The following TEP1 variants were observed in gnomAD, a reference collection of about 807,000 sequenced individuals.
TEP1 encodes the protein telomerase associated protein 1.
A neutral mutation model predicts 306.3 loss-of-function variants in TEP1; 241 were observed. The ratio of observed to expected loss-of-function variants is 0.79; its 90% CI spans 0.71 to 0.88. TEP1 has a LOEUF of 0.88. TEP1 is among the 40% of genes least tolerant of loss of function. The pLI, the probability that TEP1 is intolerant of heterozygous loss-of-function variation, is 0.00. For missense variants in TEP1, 3,051 were observed against 3,276.1 expected (o/e 0.93, Z 1.68); for synonymous variants, 1,289 against 1,305.5 (o/e 0.99, Z 0.27).
At position 20,387,959 on chromosome 14, in the gene TEP1, A is replaced by G. The variant is rs1414662429; in HGVS notation, c.2630T>C (p.Leu877Pro). Residue 877 changes from leucine (L) to proline (P), a missense_variant, in exon 18 of 55, where the codon CTC (leucine) becomes CCC (proline). Coordinates refer to ENST00000262715, the MANE Select transcript of TEP1 (RefSeq NM_007110.5). The part of the protein sequence containing the change: ...PPPGKTGVQS[L>P]RPLEEDTPSP... ...TGGAGTGTCCTCTTCCAGTGGCCGG[A>G]GAGACTGGACCCCTGTCTTTCCTGG... The G allele has an allele frequency of 6.2e-7, 1 of 1,614,048 alleles. No homozygotes were observed. Among genetic ancestry groups the G allele is most frequent in the East Asian group, 2.2e-5 (1 of 44,886 alleles).
rs1876932164 is a variant in TEP1, at chr14:20,384,441, G to A, written c.3289C>T (p.Gln1097Ter). ...PYVGGLEEFG[Q>*]LVLQDVWNMI... ...TTCCATACATCCTGCAGAACCAACT[G>A]CCCAAACTCCTCCAGCCCGCCAACA... The change falls in exon 23 of 55, where the codon CAG (glutamine) becomes TAG (stop). Residue 1097 changes from glutamine to a stop codon, truncating the protein, a stop_gained. Transcript: ENST00000262715. LOFTEE classifies it high-confidence loss of function. 2.5e-6 allele frequency: 4 copies of A among 1,613,894 alleles called. No homozygotes were observed. Among genetic ancestry groups the A allele is most frequent in the South Asian group, 1.1e-5 (1 of 91,074 alleles).
In TEP1 at chr14:20,371,279, G is replaced by A; in HGVS notation, c.7256C>T (p.Thr2419Ile). Reference sequence around the variant, plus strand: ...GACAAATATGCCATACTCCTTGTGGGTGGACAATATCATAGGATTTTCTGT... The same window carrying A: ...GACAAATATGCCATACTCCTTGTGGATGGACAATATCATAGGATTTTCTGT... ...SYTENPMILS[T>I]HKEYGIFVLQ... The change falls in exon 51 of 55, where the codon ACC (threonine) becomes ATC (isoleucine). Residue 2419 changes from threonine to isoleucine, a missense_variant. Physicochemically the swap from Thr to Ile is moderately conservative, Grantham distance 89. This residue lies in a region of TEP1 where 1,540 missense variants were observed against 1,705.9 expected (regional missense o/e 0.90). Coordinates refer to ENST00000262715, the MANE Select transcript of TEP1 (RefSeq NM_007110.5). The A allele has an allele frequency of 6.2e-7, 1 of 1,614,180 alleles. No homozygotes were observed. The highest frequency in any genetic ancestry group is 1.3e-5 in the African/African-American group (1 of 75,046).
chr14:20,375,681 A>C, intron 43 of TEP1, 74 bp downstream of exon 43: 1 of 908,152 alleles, frequency 1.1e-6, no homozygotes, highest in African/African-American at 1.6e-5. Flanking sequence ...TGCCAGAAAA[A>C]GGACGAGGTG....
chr14:20,383,996 C>T (rs1308253073), intron 24 of TEP1, 42 bp downstream of exon 24: 3 of 1,584,762 alleles, frequency 1.9e-6, no homozygotes, highest in Non-Finnish European at 2.6e-6. Context: ...TTAGCCCACA[C>T]AGCCTTCCCT....
chr14:20,401,500 T>C lies in TEP1; in HGVS notation c.1348A>G (p.Ile450Val). The change falls in exon 8 of 55, where the codon ATC (isoleucine) becomes GTC (valine). Residue 450 changes from isoleucine to valine, a missense_variant. Ile to Val is a conservative substitution (Grantham distance 29). Coordinates refer to ENST00000262715, the MANE Select transcript of TEP1 (RefSeq NM_007110.5). ...TLKKLVQRLH[I>V]HKPAQHVQAL... ...TGAACGTGCTGGGCAGGCTTGTGGA[T>C]GTGCAGTCGCTGAACCAGCTTCTTC... The C allele has an allele frequency of 6.2e-7, 1 of 1,614,190 alleles. No homozygotes were observed. Among genetic ancestry groups the C allele is most frequent in the Non-Finnish European group, 8.5e-7 (1 of 1,180,024 alleles).
At chr14:20,400,531 GAGAAAAC>G (rs1878610198) in intron 9 of TEP1, 1 of 110,402 alleles carries the variant, frequency 9.1e-6, no homozygotes, top group African/African-American at 3.1e-5. Context: ...AACAGAGAAA[GAGAAAAC>G]TGAAGATAAC....
chr14:20,378,357 A>G (rs2139035270), intron 38 of TEP1, 23 bp downstream of exon 38: 1 of 1,613,994 alleles, frequency 6.2e-7, no homozygotes, highest in Non-Finnish European at 8.5e-7. Flanking sequence ...GCTTCCCCCA[A>G]GAGCAACACT....
Position 20,386,526 on chromosome 14 carries a change from G to T in TEP1, c.2782C>A (p.Arg928=), listed in dbSNP as rs373024184. ...LRSVLPALQA[R]AAPHRISLHG... ...AGGCTGATACGGTGAGGGGCCGCTC[G>T]GGCCTGCAGTGCTGGCAGCACAGAC... The change falls in exon 19 of 55, where the codon CGA becomes AGA. Residue 928 remains arginine, a synonymous_variant. Transcript: ENST00000262715. 65 of 1,612,876 alleles carry T rather than the reference G, an allele frequency of 4.0e-5. No individual in the cohort carries two copies. Among genetic ancestry groups the T allele is most frequent in the Non-Finnish European group, 5.3e-5 (62 of 1,179,464 alleles).
intron 12 of TEP1, 129 bp from the exon 13 acceptor site, chr14:20,391,896 A>ACAGCC (rs1877760586): frequency 1.1e-6 from 1 of 937,680 alleles, no homozygotes; most frequent in African/African-American, 1.7e-5. Flanking sequence ...ACCCGCTTCC[A>ACAGCC]CAGCCCACTC....
At chr14:20,389,499 A>G in intron 16 of TEP1, 111 bp downstream of exon 16, 8 of 1,532,080 alleles carry the variant, frequency 5.2e-6, no homozygotes, top group Non-Finnish European at 7.1e-6. Flanking sequence ...GTAAGAAGGC[A>G]GAGTTGGGGA....
rs1179932732 is a variant in TEP1 at position 20,403,407 on chromosome 14, G to A, written c.1236C>T (p.Tyr412=). The change falls in exon 7 of 55, where the codon TAC becomes TAT. Residue 412 remains tyrosine (Y), a synonymous_variant. Transcript: ENST00000262715. The stretch of plus-strand genomic sequence containing the variant: ...TCTGCTCTTCTCTGAGAAACCCTAT[G>A]TACCTTGGAAAACATCTGTGAGAAA... ...PPFSHRCFPR[Y]IGFLREEQRK... is the part of the protein sequence containing the mutation. The A allele has an allele frequency of 1.2e-6, 2 of 1,614,138 alleles. No individual in the cohort carries two copies. Among genetic ancestry groups the A allele is most frequent in the Non-Finnish European group, 8.5e-7 (1 of 1,180,018 alleles).
intron 7 of TEP1, 32 bp from the exon 8 acceptor site, chr14:20,401,613 C>A: frequency 6.2e-7 from 1 of 1,611,978 alleles, no homozygotes; most frequent in South Asian, 1.1e-5. Flanking sequence ...CCACAGGGGT[C>A]CTTTCATCCA....
rs775367475 is a variant in TEP1, at chr14:20,391,741, A to C, written c.1955T>G (p.Leu652Arg). Residue 652 changes from leucine (L) to arginine (R), a missense_variant, in exon 13 of 55, where the codon CTG becomes CGG. By Grantham distance (102) the Leu-to-Arg change is moderately radical. Coordinates refer to ENST00000262715, the MANE Select transcript of TEP1 (RefSeq NM_007110.5). ...CTCTAGGGCCTGTCGGTACCTGTTC[A>C]GCATCTCACCATCATATTTCCACTG... ...ARQWKYDGEM[L>R]NRYRQALETA... 3 of 1,614,048 alleles carry C rather than the reference A, an allele frequency of 1.9e-6. No individual in the cohort carries two copies. The African/African-American group carries it at 4.0e-5, about 22-fold the overall frequency.
At chr14:20,393,144 G>A (rs1032401698) in intron 12 of TEP1, among the ~76,000 whole-genome samples, 1 of 151,940 alleles carries the variant, frequency 6.6e-6, no homozygotes, top group African/African-American at 2.4e-5. Context: ...GTGAACCCAG[G>A]AGGTGGAGCT....
intron 51 of TEP1, among the ~76,000 whole-genome samples, chr14:20,370,133 C>T (rs911209732): frequency 6.6e-6 from 1 of 152,176 alleles, no homozygotes; most frequent in Non-Finnish European, 1.5e-5. Flanking sequence ...AGGCTGGTCT[C>T]GAACTCCTGG....
chr14:20,386,183 C>T lies in TEP1; in HGVS notation c.2874G>A (p.Val958=), dbSNP rs1306189597. Reference sequence around the variant, plus strand: ...GTGCGTTCTCCACCTCCCCAAGGCACACTTCCAGTTGTCTGTAGGCATGAT... The same window carrying T: ...GTGCGTTCTCCACCTCCCCAAGGCATACTTCCAGTTGTCTGTAGGCATGAT... ...EETRRNRQLE[V]CLGEVENAQL... is the part of the protein sequence containing the mutation. Residue 958 remains valine (V), a synonymous_variant, in exon 20 of 55, where the codon GTG becomes GTA. Transcript: ENST00000262715. 1 of 1,614,024 alleles carries T rather than the reference C, an allele frequency of 6.2e-7. No individual in the cohort carries two copies. The highest frequency in any genetic ancestry group is 1.1e-5 in the South Asian group (1 of 91,046).
intron 2 of TEP1, among the ~76,000 whole-genome samples, chr14:20,407,435 G>C (rs548184058): frequency 5.9e-5 from 9 of 152,082 alleles, no homozygotes; most frequent in African/African-American, 2.2e-4. Context: ...CTCGCCTCCC[G>C]GTTTAAGCAA....
At chr14:20,386,027 C>T in intron 20 of TEP1, 48 bp downstream of exon 20, 1 of 1,545,010 alleles carries the variant, frequency 6.5e-7, no homozygotes, top group South Asian at 1.3e-5. Context: ...AGCCTCTGCC[C>T]CAATCTTTGC....
chr14:20,382,774 G>C, intron 27 of TEP1, 59 bp from the exon 28 acceptor site: 2 of 1,518,054 alleles, frequency 1.3e-6, no homozygotes, highest in South Asian at 2.2e-5. Context: ...CCAGCCCTCT[G>C]CCCCAGCACC....
Sources: gnomAD v4.1 joint callset for allele counts (sites outside exome capture counted in the v4.1 genomes callset) on GRCh38, gnomAD v4.1.1 for gene constraint, gnomAD v4.1.1 regional missense constraint, MANE v1.5 for transcripts, NCBI Gene and HGNC (gene_info 2026-07-23, HGNC 2026-07-21) for gene names.